TDRD5: variants seen among roughly 807,000 people sequenced by gnomAD.
TDRD5 encodes the protein tudor domain-containing protein 5.
Under a neutral mutation model 120.6 loss-of-function variants are expected in TDRD5, and 41 were observed. The observed-to-expected ratio is 0.34, with a 90% confidence interval of 0.26 to 0.44. The LOEUF is 0.44. Among genes scored for constraint, TDRD5 ranks in the 20% least tolerant of loss-of-function variants. The probability of loss-of-function intolerance (pLI) is 1.00; values close to 1 mark genes in which losing one functional copy is unlikely to be tolerated. For missense variants in TDRD5, 1,006 were observed against 1,221.2 expected, an observed-to-expected ratio of 0.82 and a Z score of 2.63; for synonymous variants, 430 against 433.7, an observed-to-expected ratio of 0.99 and a Z score of 0.11.
intron 14 of TDRD5, among the ~76,000 whole-genome samples, chr1:179,660,499 A>G (rs895320956): frequency 2.2e-4 from 33 of 151,714 alleles, no homozygotes; most frequent in African/African-American, 6.1e-4. Flanking sequence ...TGTTTTTATT[A>G]TATCTATTTG....
intron 9 of TDRD5, among the ~76,000 whole-genome samples, chr1:179,637,313 C>T (rs561041456): frequency 6.6e-6 from 1 of 152,290 alleles, no homozygotes; most frequent in East Asian, 1.9e-4. Flanking sequence ...CACTCACTGG[C>T]TCTCTGACCT....
intron 17 of TDRD5, among the ~76,000 whole-genome samples, chr1:179,688,087 A>G (rs1340364339): frequency 6.6e-6 from 1 of 152,160 alleles, no homozygotes; most frequent in Non-Finnish European, 1.5e-5. Flanking sequence ...TCCTGTCATT[A>G]TGATGTTAGC....
At chr1:179,635,489 G>T (rs887453021) in intron 8 of TDRD5, among the ~76,000 whole-genome samples, 178 bp from the exon 9 acceptor site, 2 of 152,066 alleles carry the variant, frequency 1.3e-5, no homozygotes, top group African/African-American at 4.8e-5. Context: ...GCATAATTGT[G>T]GGCCCCATTC....
At chr1:179,638,982 G>A (rs1321572899) in intron 9 of TDRD5, among the ~76,000 whole-genome samples, 1 of 152,116 alleles carries the variant, frequency 6.6e-6, no homozygotes, top group Non-Finnish European at 1.5e-5. Flanking sequence ...AGGAGAATGG[G>A]CATTGAGGAA....
chr1:179,621,114 A>C (rs1270925313), intron 6 of TDRD5, 23 bp downstream of exon 6: 1 of 1,578,230 alleles, frequency 6.3e-7, no homozygotes, highest in East Asian at 2.3e-5. Flanking sequence ...CTTTTCCCCA[A>C]CCCTAATTTT....
rs371987660 is a variant in TDRD5 at position 179,690,799 on chromosome 1, G to A, written c.2964G>A (p.Leu988=). ...AAGAATCTGTAGACCAGCTGTCTTT[G>A]ATTTTGTCTTATGAGTGCCAGATTT... ...KRQESVDQLS[L]ILSYECQISQ... is the part of the protein sequence containing the mutation. Residue 988 remains leucine (L), a synonymous_variant, in exon 18 of 18, where the codon TTG becomes TTA. Transcript: ENST00000444136. 3.0e-5 allele frequency: 49 copies of A among 1,614,098 alleles called. No homozygotes were observed. Among genetic ancestry groups the A allele is most frequent in the Admixed American group, 5.0e-5 (3 of 60,006 alleles).
In TDRD5 at chr1:179,615,424, T is replaced by G. The variant is rs1222387642; in HGVS notation, c.832-3175T>G. On this transcript the variant is annotated intron_variant, in intron 4 of 17. Coordinates refer to ENST00000444136, the MANE Select transcript of TDRD5 (RefSeq NM_001199085.3). The stretch of plus-strand genomic sequence containing the variant: ...AGTCTTCTATTTTATTGCCTATTCA[T>G]GTTTTGATTCATTTTTCTGAAGAGT... Among the ~76,000 whole-genome samples the G allele has an allele frequency of 4.6e-5, 7 of 152,334 alleles. No individual in the cohort carries two copies. In the East Asian group the frequency reaches 1.3e-3, roughly 29 times the overall value.
At chr1:179,622,141 C>A (rs571544014) in intron 6 of TDRD5, among the ~76,000 whole-genome samples, 10 of 152,278 alleles carry the variant, frequency 6.6e-5, no homozygotes, top group Middle Eastern at 3.4e-3. Flanking sequence ...CAGTGCCTGG[C>A]ACATAAGCTC....
At chr1:179,601,688 C>T (rs1010921568) in intron 4 of TDRD5, among the ~76,000 whole-genome samples, 2 of 152,172 alleles carry the variant, frequency 1.3e-5, no homozygotes, top group African/African-American at 2.4e-5. Context: ...GGGTTGGTTC[C>T]ATGATTTTGC....
At chr1:179,674,670 T>C (rs111320606) in intron 17 of TDRD5, among the ~76,000 whole-genome samples, 4,481 of 152,304 alleles carry the variant, frequency 0.029, 223 homozygotes, top group African/African-American at 0.1. Context: ...CATCTGGTCC[T>C]GGACTTTTTT....
chr1:179,666,818 T>C (rs1679578451), intron 16 of TDRD5, among the ~76,000 whole-genome samples: 1 of 152,212 alleles, frequency 6.6e-6, no homozygotes, highest in African/African-American at 2.4e-5. Context: ...TTGCCAACAA[T>C]TGTAATCATG....
intron 4 of TDRD5, among the ~76,000 whole-genome samples, chr1:179,612,930 T>G (rs931903506): frequency 7.6e-6 from 1 of 131,646 alleles, no homozygotes; most frequent in Admixed American, 7.7e-5. Flanking sequence ...AGTGAGACTT[T>G]GTCTCAAAAA....
At chr1:179,604,394 T>C (rs756639902) in intron 4 of TDRD5, among the ~76,000 whole-genome samples, 4 of 152,130 alleles carry the variant, frequency 2.6e-5, no homozygotes, top group Non-Finnish European at 5.9e-5. Flanking sequence ...TGCTCTGATC[T>C]TGGTTATTTC....
chr1:179,650,854 G>T lies in TDRD5; in HGVS notation c.1801-13G>T. The T allele has an allele frequency of 6.2e-7, 1 of 1,613,728 alleles. No homozygotes were observed. The highest frequency in any genetic ancestry group is 1.1e-5 in the South Asian group (1 of 91,048). On this transcript the variant is annotated splice_polypyrimidine_tract_variant and intron_variant, in intron 11 of 17. Coordinates refer to ENST00000444136, the MANE Select transcript of TDRD5 (RefSeq NM_001199085.3). ...ATCTATCACCTGAATCCAATATCTTGATCATATTTCAGGAACACTGGACAT... is the reference window on the plus strand; with the variant it reads ...ATCTATCACCTGAATCCAATATCTTTATCATATTTCAGGAACACTGGACAT...
At chr1:179,652,249 C>G in intron 13 of TDRD5, 52 bp downstream of exon 13, 1 of 1,496,818 alleles carries the variant, frequency 6.7e-7, no homozygotes. Context: ...CTGTAATCCT[C>G]ATTTTTTTAG....
intron 4 of TDRD5, among the ~76,000 whole-genome samples, chr1:179,607,593 A>G (rs1056541332): frequency 6.6e-6 from 1 of 151,950 alleles, no homozygotes; most frequent in Non-Finnish European, 1.5e-5. Flanking sequence ...TTTTCAACCT[A>G]TATTTTTAAC....
Position 179,593,678 on chromosome 1 carries a change from T to C in TDRD5, c.451T>C (p.Ser151Pro). 1.2e-6 allele frequency: 2 copies of C among 1,614,256 alleles called. No individual in the cohort carries two copies. The highest frequency in any genetic ancestry group is 1.7e-6 in the Non-Finnish European group (2 of 1,180,040). The change falls in exon 3 of 18, where the codon TCT becomes CCT. Residue 151 changes from serine (S) to proline (P), a missense_variant. This residue lies in a region of TDRD5 where 445 missense variants were observed against 515.5 expected (regional missense o/e 0.86). Coordinates refer to ENST00000444136, the MANE Select transcript of TDRD5 (RefSeq NM_001199085.3). ...DLLALSPVLL[S>P]DFEKAFAKRF... ...GTTGGCGTTATCTCCTGTTCTTCTT[T>C]CTGATTTTGAAAAGGCATTTGCCAA...
intron 6 of TDRD5, among the ~76,000 whole-genome samples, chr1:179,628,297 A>G (rs994883431): frequency 6.9e-6 from 1 of 144,626 alleles, no homozygotes; most frequent in African/African-American, 2.6e-5. Context: ...AAATATATCA[A>G]TTTATTTATT....
intron 4 of TDRD5, among the ~76,000 whole-genome samples, chr1:179,614,144 AAAG>A (rs2101953977): frequency 6.6e-6 from 1 of 152,334 alleles, no homozygotes; most frequent in East Asian, 1.9e-4. Flanking sequence ...GAAAAGCACA[AAAG>A]AAAATAAAGA....
Sources: gnomAD v4.1 joint callset for allele counts (sites outside exome capture counted in the v4.1 genomes callset) on GRCh38, gnomAD v4.1.1 for gene constraint, gnomAD v4.1.1 regional missense constraint, MANE v1.5 for transcripts, NCBI Gene and HGNC (gene_info 2026-07-23, HGNC 2026-07-21) for gene names.